Variants in R3HDM1 observed in about 807,000 individuals in gnomAD.
The protein encoded by R3HDM1 is R3H domain containing 1.
A neutral mutation model predicts 141.1 loss-of-function variants in R3HDM1; 46 were observed. That is an observed-to-expected ratio of 0.33 (90% CI 0.26 to 0.42). The LOEUF (loss-of-function observed/expected upper bound fraction) is 0.42. Ranked by LOEUF, R3HDM1 falls within the 10% of genes least tolerant of loss-of-function variation. The probability of loss-of-function intolerance (pLI) is 1.00; values close to 1 mark genes in which losing one functional copy is unlikely to be tolerated. For synonymous variants in R3HDM1, 435 were observed against 472.9 expected (o/e 0.92, Z 1.04); for missense variants, 1,184 against 1,368.3 (o/e 0.87, Z 2.12).
intron 2 of R3HDM1, among the ~76,000 whole-genome samples, 174 bp downstream of exon 2, chr2:135,602,882 T>G (rs1412041539): frequency 6.6e-6 from 1 of 152,116 alleles, no homozygotes; most frequent in East Asian, 1.9e-4. Context: ...AAGACATGGT[T>G]TTCTTTTTTT....
intron 17 of R3HDM1, chr2:135,650,864 G>A (rs1019695576): frequency 4.1e-6 from 4 of 985,210 alleles, no homozygotes; most frequent in Admixed American, 1.2e-4. Context: ...CCACAATTTT[G>A]TAAGTCATTT....
chr2:135,698,697 G>A lies in R3HDM1; in HGVS notation c.2460-10736G>A, dbSNP rs371086910. On this transcript the variant is annotated intron_variant, in intron 21 of 26. Transcript: ENST00000683871. ...GCATAGGAAGCATAGTGGCTTCTAG[G>A]GAGGCCTCGGGAAACTTCAATTATG... is the stretch of plus-strand genomic sequence containing the variant. Among the ~76,000 whole-genome samples, 93 of 152,248 alleles carry A rather than the reference G, an allele frequency of 6.1e-4. 1 individual carries two copies. The highest frequency in any genetic ancestry group is 1.9e-3 in the African/African-American group (79 of 41,534).
At chr2:135,600,147 A>G (rs538183015) in intron 1 of R3HDM1, among the ~76,000 whole-genome samples, 10 of 94,404 alleles carry the variant, frequency 1.1e-4, no homozygotes, top group Non-Finnish European at 1.7e-4. Flanking sequence ...AGGGTTTGCT[A>G]TGTTGCCTAG....
Position 135,645,371 on chromosome 2 carries a change from T to C in R3HDM1, c.1475-8T>C. 2 of 1,581,038 alleles carry C rather than the reference T, an allele frequency of 1.3e-6. No individual in the cohort carries two copies. The highest frequency in any genetic ancestry group is 1.7e-6 in the Non-Finnish European group (2 of 1,159,640). Reference sequence around the variant, plus strand: ...AGTTATTTTTTTCCCTCTTTTTGAATTTTTCAGGTCAGCCCTTCATAAACC... The same window carrying C: ...AGTTATTTTTTTCCCTCTTTTTGAACTTTTCAGGTCAGCCCTTCATAAACC... On this transcript the variant is annotated splice_polypyrimidine_tract_variant and splice_region_variant and intron_variant, in intron 15 of 26. Transcript: ENST00000683871.
intron 23 of R3HDM1, among the ~76,000 whole-genome samples, chr2:135,711,296 T>A (rs1470679653): frequency 1.3e-5 from 2 of 152,336 alleles, no homozygotes; most frequent in East Asian, 3.9e-4. Flanking sequence ...GCTTGGTCTG[T>A]TATACATTAA....
rs528949168 is a variant in R3HDM1, at chr2:135,622,799, A to G, written c.497+67A>G. The G allele has an allele frequency of 8.9e-6, 13 of 1,466,246 alleles. No homozygotes were observed. In the South Asian group the frequency reaches 1.5e-4, roughly 17 times the overall value. 90.8% of individuals were successfully genotyped at this position (1,466,246 alleles called of 1,614,324 possible). On this transcript the variant is annotated intron_variant, in intron 7 of 26. Coordinates refer to ENST00000683871, the MANE Select transcript of R3HDM1 (RefSeq NM_001378107.1). ...CCATAATTTTGCTATATATGTTTTC[A>G]TTATTGAGTTAGAGTAATAGAATAA...
chr2:135,550,189 G>A, intron 1 of R3HDM1: 1 of 985,012 alleles, frequency 1.0e-6, no homozygotes, highest in Non-Finnish European at 1.2e-6. Flanking sequence ...AGCTTTTTGT[G>A]AGTGTTGATT....
At chr2:135,703,541 A>T (rs2074510449) in intron 21 of R3HDM1, among the ~76,000 whole-genome samples, 1 of 152,162 alleles carries the variant, frequency 6.6e-6, no homozygotes, top group Non-Finnish European at 1.5e-5. Context: ...ACAAAGCTAC[A>T]TTCAATGCTC....
chr2:135,658,547 G>A (rs1273539269), intron 18 of R3HDM1, among the ~76,000 whole-genome samples: 1 of 152,134 alleles, frequency 6.6e-6, no homozygotes, highest in Non-Finnish European at 1.5e-5. Context: ...TGTTCTAGGT[G>A]AATCAGTGAA....
At chr2:135,621,757 CA>C in intron 6 of R3HDM1, 149 bp downstream of exon 6, 1 of 1,264,956 alleles carries the variant, frequency 7.9e-7, no homozygotes, top group Non-Finnish European at 1.0e-6. Flanking sequence ...CTCATCTGGG[CA>C]AAATGGTTTA....
chr2:135,673,442 A>T (rs1042822981), intron 19 of R3HDM1, among the ~76,000 whole-genome samples: 4 of 152,190 alleles, frequency 2.6e-5, no homozygotes, highest in Non-Finnish European at 5.9e-5. Flanking sequence ...TTGTCATTGT[A>T]TGTTTTAATG....
intron 1 of R3HDM1, among the ~76,000 whole-genome samples, chr2:135,551,140 A>G (rs1431381497): frequency 6.6e-6 from 1 of 152,236 alleles, no homozygotes; most frequent in South Asian, 2.1e-4. Context: ...TTTTAAGATC[A>G]TAGGCACAGA....
At chr2:135,552,646 A>G (rs1700045236) in intron 1 of R3HDM1, among the ~76,000 whole-genome samples, 2 of 152,154 alleles carry the variant, frequency 1.3e-5, no homozygotes, top group African/African-American at 4.8e-5. Flanking sequence ...TTTAGATTGT[A>G]TATTAATTAA....
intron 1 of R3HDM1, among the ~76,000 whole-genome samples, chr2:135,534,147 A>G (rs1574324193): frequency 6.6e-6 from 1 of 152,226 alleles, no homozygotes; most frequent in Non-Finnish European, 1.5e-5. Flanking sequence ...TTGAATTAAA[A>G]TGCAAGTGTC....
At chr2:135,582,344 T>C (rs1707002306) in intron 1 of R3HDM1, among the ~76,000 whole-genome samples, 2 of 152,112 alleles carry the variant, frequency 1.3e-5, no homozygotes, top group South Asian at 4.1e-4. Context: ...AATAAATAAA[T>C]ACAAATTATT....
At chr2:135,531,988 T>G (rs890576906) in intron 1 of R3HDM1, among the ~76,000 whole-genome samples, 16 of 152,276 alleles carry the variant, frequency 1.1e-4, no homozygotes, top group East Asian at 5.8e-4. Context: ...GGGAAAGGTT[T>G]CCGAGTCCCT....
At chr2:135,715,740 T>G (rs768808608) in intron 24 of R3HDM1, 46 bp downstream of exon 24, 1 of 1,566,526 alleles carries the variant, frequency 6.4e-7, no homozygotes, top group Non-Finnish European at 8.7e-7. Flanking sequence ...ATTTAAGACA[T>G]CCATTCCCAG....
At chr2:135,599,430 T>C (rs1482027855) in intron 1 of R3HDM1, among the ~76,000 whole-genome samples, 1 of 152,230 alleles carries the variant, frequency 6.6e-6, no homozygotes, top group Non-Finnish European at 1.5e-5. Flanking sequence ...GTTCATTTTT[T>C]TCTCTAAGTT....
chr2:135,624,010 G>A (rs940323776), intron 7 of R3HDM1, among the ~76,000 whole-genome samples: 2 of 152,200 alleles, frequency 1.3e-5, no homozygotes, highest in Non-Finnish European at 2.9e-5. Flanking sequence ...AAGGGCATTT[G>A]AGATAGAGAC....
Sources: gnomAD v4.1 joint callset for allele counts (sites outside exome capture counted in the v4.1 genomes callset) on GRCh38, gnomAD v4.1.1 for gene constraint, MANE v1.5 for transcripts, NCBI Gene and HGNC (gene_info 2026-07-23, HGNC 2026-07-21) for gene names.